CDH12: variants seen among roughly 807,000 people sequenced by gnomAD.
CDH12 encodes cadherin-12.
CDH12 carries 41 observed loss-of-function variants against 74.1 expected under a neutral mutation model. The ratio of observed to expected loss-of-function variants is 0.55; its 90% CI spans 0.43 to 0.72. CDH12 has a LOEUF of 0.72. Among genes scored for constraint, CDH12 ranks in the 30% least tolerant of loss-of-function variants. CDH12 has a pLI of 0.00. For missense variants in CDH12, 945 were observed against 977.2 expected, an observed-to-expected ratio of 0.97 and a Z score of 0.44; for synonymous variants, 399 against 355.0, an observed-to-expected ratio of 1.12 and a Z score of -1.39.
At chr5:22,736,418 T>A (rs1744728193) in intron 1 of CDH12, among the ~76,000 whole-genome samples, 1 of 151,836 alleles carries the variant, frequency 6.6e-6, no homozygotes, top group African/African-American at 2.4e-5. Context: ...GAAAGGTAAT[T>A]GTATTTAGTT....
intron 4 of CDH12, among the ~76,000 whole-genome samples, chr5:22,156,957 A>T (rs1748056380): frequency 6.6e-6 from 1 of 152,144 alleles, no homozygotes; most frequent in African/African-American, 2.4e-5. Context: ...CAGAGGGGGA[A>T]GAAAAGCATG....
At chr5:22,846,570 T>G (rs1196492051) in intron 1 of CDH12, among the ~76,000 whole-genome samples, 1 of 152,088 alleles carries the variant, frequency 6.6e-6, no homozygotes. Context: ...GATGAAAGAT[T>G]TAATGTGAAA....
intron 1 of CDH12, among the ~76,000 whole-genome samples, chr5:22,767,405 G>A (rs1050636022): frequency 7.2e-5 from 11 of 152,052 alleles, no homozygotes; most frequent in African/African-American, 2.2e-4. Flanking sequence ...TGATATGATA[G>A]TGCTTACTGT....
intron 5 of CDH12, among the ~76,000 whole-genome samples, chr5:22,048,415 C>T (rs551062999): frequency 4.6e-5 from 7 of 152,176 alleles, no homozygotes; most frequent in Middle Eastern, 3.4e-3. Flanking sequence ...CAACAAATTC[C>T]GTCTTTTTTT....
At chr5:22,495,218 TATC>T (rs1216752411) in intron 2 of CDH12, among the ~76,000 whole-genome samples, 3 of 152,220 alleles carry the variant, frequency 2.0e-5, no homozygotes, top group East Asian at 3.9e-4. Context: ...ATGGAATAAA[TATC>T]ATGCTTAAAA....
chr5:22,593,894 G>A (rs952493423), intron 1 of CDH12, among the ~76,000 whole-genome samples: 21 of 152,058 alleles, frequency 1.4e-4, no homozygotes, highest in African/African-American at 4.8e-4. Context: ...GTATGATCAC[G>A]GGATAAATAT....
chr5:21,880,576 C>CTTTCCTTCT (rs1561268110), intron 6 of CDH12, among the ~76,000 whole-genome samples: 1 of 36,830 alleles, frequency 2.7e-5, no homozygotes, highest in Non-Finnish European at 4.9e-5. Context: ...TCTTTCTTTC[C>CTTTCCTTCT]TTCCTTCCTT....
intron 1 of CDH12, among the ~76,000 whole-genome samples, chr5:22,562,756 A>T (rs1382955940): frequency 6.6e-6 from 1 of 151,626 alleles, no homozygotes; most frequent in Non-Finnish European, 1.5e-5. Flanking sequence ...AAAAAACTTG[A>T]CCTTGGAAGA....
At chr5:22,819,961 A>G (rs1749590911) in intron 1 of CDH12, among the ~76,000 whole-genome samples, 1 of 142,996 alleles carries the variant, frequency 7.0e-6, no homozygotes, top group Admixed American at 7.1e-5. Flanking sequence ...ATATATATAC[A>G]CATATATATA....
At chr5:22,326,544 G>A (rs901166548) in intron 3 of CDH12, among the ~76,000 whole-genome samples, 2 of 152,094 alleles carry the variant, frequency 1.3e-5, no homozygotes, top group African/African-American at 2.4e-5. Flanking sequence ...CTCCAGGTTG[G>A]CTTTACATCT....
chr5:21,826,937 C>A (rs1344881426), intron 8 of CDH12, among the ~76,000 whole-genome samples: 1 of 152,044 alleles, frequency 6.6e-6, no homozygotes, highest in Admixed American at 6.6e-5. Flanking sequence ...GGTATGAGCC[C>A]TAATGTTCAG....
intron 1 of CDH12, among the ~76,000 whole-genome samples, chr5:22,730,256 G>A (rs1393102836): frequency 2.6e-5 from 4 of 151,634 alleles, no homozygotes; most frequent in African/African-American, 9.7e-5. Flanking sequence ...TCCTTCTTTA[G>A]TCTTGACTTT....
chr5:21,808,526 T>A (rs564109931), intron 9 of CDH12, among the ~76,000 whole-genome samples: 2 of 152,052 alleles, frequency 1.3e-5, no homozygotes, highest in South Asian at 2.1e-4. Context: ...TGTAGGCTTA[T>A]CTGAAACAGA....
intron 6 of CDH12, among the ~76,000 whole-genome samples, chr5:21,888,129 G>A (rs529237580): frequency 6.6e-6 from 1 of 152,254 alleles, no homozygotes; most frequent in South Asian, 2.1e-4. Flanking sequence ...AAATTTGGTT[G>A]CAATATGGTG....
intron 1 of CDH12, among the ~76,000 whole-genome samples, chr5:22,567,297 AC>A (rs1293771267): frequency 6.6e-6 from 1 of 152,200 alleles, no homozygotes; most frequent in Non-Finnish European, 1.5e-5. Context: ...AATGCAAGTA[AC>A]AATTAACCTG....
At chr5:22,556,167 C>T (rs1738795453) in intron 1 of CDH12, among the ~76,000 whole-genome samples, 1 of 151,804 alleles carries the variant, frequency 6.6e-6, no homozygotes, top group Non-Finnish European at 1.5e-5. Context: ...AGATAAAATA[C>T]CCAAATAAGT....
At chr5:22,413,007 T>C (rs947775647) in intron 2 of CDH12, among the ~76,000 whole-genome samples, 3 of 152,044 alleles carry the variant, frequency 2.0e-5, no homozygotes, top group South Asian at 2.1e-4. Context: ...TTGTCTTTCA[T>C]TGACATCTTT....
intron 4 of CDH12, among the ~76,000 whole-genome samples, chr5:22,120,618 A>G (rs1745454095): frequency 6.6e-6 from 1 of 152,156 alleles, no homozygotes; most frequent in African/African-American, 2.4e-5. Flanking sequence ...ATTTATGCAA[A>G]AAGAACAATG....
At chr5:22,309,631 A>T (rs1179551183) in intron 3 of CDH12, among the ~76,000 whole-genome samples, 1 of 152,076 alleles carries the variant, frequency 6.6e-6, no homozygotes, top group African/African-American at 2.4e-5. Flanking sequence ...TCTCTTAGCT[A>T]ATTTCCATTA....
Sources: allele counts gnomAD v4.1 joint callset (sites outside exome capture counted in the v4.1 genomes callset), GRCh38; gene constraint gnomAD v4.1.1; transcripts MANE v1.5; gene names NCBI Gene and HGNC (gene_info 2026-07-23, HGNC 2026-07-21).